The following CHN1 variants were observed in gnomAD, a reference collection of about 807,000 sequenced individuals.
CHN1 encodes the protein N-chimaerin.
In CHN1, 37 loss-of-function variants were observed where a neutral mutation model predicts 59.5. The observed-to-expected ratio is 0.62, with a 90% CI of 0.48 to 0.82. The LOEUF is 0.82. Among genes scored for constraint, CHN1 ranks in the 40% least tolerant of loss-of-function variants. CHN1 has a pLI of 0.00. For missense variants in CHN1, 469 were observed against 571.0 expected (o/e 0.82, Z 1.82); for synonymous variants, 206 against 200.4 (o/e 1.03, Z -0.24).
intron 1 of CHN1, among the ~76,000 whole-genome samples, chr2:174,954,418 C>T (rs1444094288): frequency 1.3e-5 from 2 of 151,900 alleles, no homozygotes; most frequent in South Asian, 2.1e-4. Flanking sequence ...CAAAAGCAAA[C>T]GGAACAAAAG....
At chr2:174,823,885 T>C (rs1446440298) in intron 8 of CHN1, among the ~76,000 whole-genome samples, 13 of 152,194 alleles carry the variant, frequency 8.5e-5, no homozygotes, top group Non-Finnish European at 1.5e-4. Context: ...TTTGATGTAT[T>C]TGATTTCAAA....
At chr2:174,882,418 A>C (rs1687764807) in intron 5 of CHN1, among the ~76,000 whole-genome samples, 1 of 152,174 alleles carries the variant, frequency 6.6e-6, no homozygotes, top group Non-Finnish European at 1.5e-5. Context: ...CATCTTTTCT[A>C]TTTTTCAGCA....
chr2:174,926,110 A>C (rs1235527764), intron 3 of CHN1, among the ~76,000 whole-genome samples: 1 of 152,260 alleles, frequency 6.6e-6, no homozygotes, highest in African/African-American at 2.4e-5. Flanking sequence ...ATAACTGAAC[A>C]GCAGATCAAT....
chr2:174,909,739 T>C (rs764508017), intron 5 of CHN1, among the ~76,000 whole-genome samples: 1 of 152,222 alleles, frequency 6.6e-6, no homozygotes, highest in Non-Finnish European at 1.5e-5. Flanking sequence ...ATGTGAGATA[T>C]TACCTTAAAT....
intron 1 of CHN1, among the ~76,000 whole-genome samples, chr2:174,956,690 T>C (rs1267076510): frequency 6.6e-6 from 1 of 151,300 alleles, no homozygotes; most frequent in Non-Finnish European, 1.5e-5. Flanking sequence ...GAGAACTGCT[T>C]GAACCCAGTG....
At chr2:174,814,488 A>G (rs1318656129) in intron 8 of CHN1, among the ~76,000 whole-genome samples, 1 of 151,660 alleles carries the variant, frequency 6.6e-6, no homozygotes, top group Admixed American at 6.5e-5. Flanking sequence ...GGTAACTTTT[A>G]TATCTTAGAG....
chr2:174,947,395 T>G (rs892641711), intron 2 of CHN1, among the ~76,000 whole-genome samples: 2 of 152,182 alleles, frequency 1.3e-5, no homozygotes, highest in African/African-American at 4.8e-5. Flanking sequence ...AAAGCTCTGT[T>G]TCATAACGAG....
intron 7 of CHN1, among the ~76,000 whole-genome samples, chr2:174,828,673 A>C (rs748656055): frequency 8.5e-5 from 13 of 152,242 alleles, no homozygotes; most frequent in Non-Finnish European, 1.3e-4. Flanking sequence ...ATGAACATTC[A>C]AAATATAATT....
chr2:174,925,142 C>T (rs1689133050), intron 3 of CHN1, among the ~76,000 whole-genome samples: 2 of 152,188 alleles, frequency 1.3e-5, no homozygotes, highest in African/African-American at 4.8e-5. Context: ...TCCCTCTTGG[C>T]CAACAGGGCC....
chr2:174,994,180 T>C (rs1691633430), intron 1 of CHN1, among the ~76,000 whole-genome samples: 1 of 152,232 alleles, frequency 6.6e-6, no homozygotes, highest in African/African-American at 2.4e-5. Flanking sequence ...AAACATCTGC[T>C]GGTGGTTAGT....
chr2:174,887,835 A>G (rs1289178941), intron 5 of CHN1, among the ~76,000 whole-genome samples: 1 of 152,208 alleles, frequency 6.6e-6, no homozygotes, highest in Non-Finnish European at 1.5e-5. Flanking sequence ...ATCACAGAAA[A>G]GCGTTCTAAG....
chr2:174,909,063 C>T (rs982722882), intron 5 of CHN1, among the ~76,000 whole-genome samples: 4 of 152,164 alleles, frequency 2.6e-5, no homozygotes, highest in Admixed American at 1.3e-4. Flanking sequence ...ACAAAACTGT[C>T]TTTGGAACTC....
At chr2:174,893,379 AAAAAGAAT>A (rs1344524610) in intron 5 of CHN1, among the ~76,000 whole-genome samples, 1 of 152,206 alleles carries the variant, frequency 6.6e-6, no homozygotes, top group Non-Finnish European at 1.5e-5. Flanking sequence ...CAAGAGTATC[AAAAAGAAT>A]AAAATACTTA....
At chr2:174,924,112 T>C (rs1231239016) in intron 3 of CHN1, among the ~76,000 whole-genome samples, 1 of 152,162 alleles carries the variant, frequency 6.6e-6, no homozygotes, top group African/African-American at 2.4e-5. Context: ...ACATCAAACA[T>C]AGACACTTTC....
At chr2:174,924,592 A>ATAGCATT (rs1689116101) in intron 3 of CHN1, among the ~76,000 whole-genome samples, 1 of 152,224 alleles carries the variant, frequency 6.6e-6, no homozygotes, top group Admixed American at 6.5e-5. Context: ...TTCCTCTACA[A>ATAGCATT]TAGCATTTAG....
intron 7 of CHN1, among the ~76,000 whole-genome samples, chr2:174,841,628 C>T (rs1686305626): frequency 6.6e-6 from 1 of 151,566 alleles, no homozygotes; most frequent in Non-Finnish European, 1.5e-5. Flanking sequence ...ATGTGTACAA[C>T]AGAAATACAT....
chr2:174,862,138 T>TA (rs1015479349), intron 6 of CHN1, among the ~76,000 whole-genome samples: 16 of 152,126 alleles, frequency 1.1e-4, no homozygotes, highest in African/African-American at 2.4e-4. Flanking sequence ...TATATTGTTT[T>TA]AAAAAAAACT....
chr2:174,960,297 T>C (rs1224550061), intron 1 of CHN1, among the ~76,000 whole-genome samples: 2 of 152,206 alleles, frequency 1.3e-5, no homozygotes, highest in Non-Finnish European at 2.9e-5. Context: ...TAAAATACTG[T>C]ACTCAACCTA....
chr2:174,856,452 C>G (rs774466059), intron 6 of CHN1, among the ~76,000 whole-genome samples: 1 of 152,172 alleles, frequency 6.6e-6, no homozygotes, highest in Non-Finnish European at 1.5e-5. Context: ...CTGACCAATT[C>G]ACCTGCTCCC....
Sources: gnomAD v4.1 joint callset for allele counts (sites outside exome capture counted in the v4.1 genomes callset) on GRCh38, gnomAD v4.1.1 for gene constraint, MANE v1.5 for transcripts, NCBI Gene and HGNC (gene_info 2026-07-23, HGNC 2026-07-21) for gene names.